TANC2: variants seen among roughly 807,000 people sequenced by gnomAD.
The protein encoded by TANC2 is tetratricopeptide repeat, ankyrin repeat and coiled-coil containing 2, also known as protein TANC2.
In TANC2, 26 loss-of-function variants were observed where a neutral mutation model predicts 210.5. The observed-to-expected ratio is 0.12, with a 90% confidence interval of 0.09 to 0.17. The LOEUF is 0.17. Among genes scored for constraint, TANC2 ranks in the 10% least tolerant of loss-of-function variants. The pLI, the probability that TANC2 is intolerant of heterozygous loss-of-function variation, is 1.00. For synonymous variants in TANC2, 931 were observed against 967.1 expected (o/e 0.96, Z 0.69); for missense variants, 2,129 against 2,608.9 (o/e 0.82, Z 4.01).
intron 2 of TANC2, among the ~76,000 whole-genome samples, chr17:63,022,892 G>A (rs1404460006): frequency 6.6e-6 from 1 of 152,216 alleles, no homozygotes; most frequent in Non-Finnish European, 1.5e-5. Context: ...AACATGCTGT[G>A]GTTCAAGTGA....
At chr17:63,088,632 A>G (rs1013378461) in intron 3 of TANC2, 2 of 152,206 alleles carry the variant, frequency 1.3e-5, no homozygotes, top group African/African-American at 4.8e-5. Flanking sequence ...AGGTTCCCAC[A>G]GTCTTTGTGT....
chr17:63,171,677 A>T (rs1470006042), intron 5 of TANC2, among the ~76,000 whole-genome samples: 1 of 152,202 alleles, frequency 6.6e-6, no homozygotes. Flanking sequence ...TTGTTATCTG[A>T]TGAATGTTAT....
chr17:63,301,226 G>A (rs2044701829), intron 9 of TANC2, among the ~76,000 whole-genome samples: 1 of 152,064 alleles, frequency 6.6e-6, no homozygotes, highest in Non-Finnish European at 1.5e-5. Flanking sequence ...CAGGGGTATT[G>A]GCCTAAAGTT....
intron 4 of TANC2, among the ~76,000 whole-genome samples, chr17:63,136,734 A>AT (rs1413781665): frequency 6.6e-6 from 1 of 152,200 alleles, no homozygotes; most frequent in East Asian, 1.9e-4. Context: ...GTTTTCAGAC[A>AT]TTGGATAATT....
At chr17:63,011,177 C>T (rs1270126942) in intron 2 of TANC2, among the ~76,000 whole-genome samples, 2 of 152,008 alleles carry the variant, frequency 1.3e-5, no homozygotes, top group Non-Finnish European at 2.9e-5. Flanking sequence ...AGTTTTAGAG[C>T]TGTGTGCCAG....
At chr17:63,158,818 G>A (rs573440776) in intron 5 of TANC2, among the ~76,000 whole-genome samples, 2 of 152,320 alleles carry the variant, frequency 1.3e-5, no homozygotes, top group South Asian at 2.1e-4. Context: ...GGCTCTCACA[G>A]GTTGCAATCA....
At chr17:63,198,953 T>C (rs1052459373) in intron 6 of TANC2, among the ~76,000 whole-genome samples, 2 of 152,186 alleles carry the variant, frequency 1.3e-5, no homozygotes, top group African/African-American at 4.8e-5. Context: ...TCTAATATTA[T>C]TGATATGATT....
chr17:63,209,052 C>T (rs919176128), intron 7 of TANC2, among the ~76,000 whole-genome samples: 2 of 151,898 alleles, frequency 1.3e-5, no homozygotes, highest in African/African-American at 4.8e-5. Context: ...GTTTCCCAGG[C>T]TGGAGTGCAG....
At chr17:63,145,895 A>G (rs908197348) in intron 4 of TANC2, among the ~76,000 whole-genome samples, 5 of 152,070 alleles carry the variant, frequency 3.3e-5, no homozygotes, top group Non-Finnish European at 7.4e-5. Context: ...TTGAGATTTC[A>G]CATGAATTTT....
chr17:63,138,258 C>A (rs1025288324), intron 4 of TANC2, among the ~76,000 whole-genome samples: 26 of 152,268 alleles, frequency 1.7e-4, no homozygotes, highest in Non-Finnish European at 3.4e-4. Flanking sequence ...ACTGAATACG[C>A]ATATTGAATG....
chr17:63,039,608 T>C (rs2035104366), intron 2 of TANC2, among the ~76,000 whole-genome samples: 1 of 152,176 alleles, frequency 6.6e-6, no homozygotes, highest in South Asian at 2.1e-4. Flanking sequence ...AACAAAATGG[T>C]GCAGCACGTA....
intron 14 of TANC2, among the ~76,000 whole-genome samples, chr17:63,368,776 A>C (rs534033014): frequency 2.8e-4 from 42 of 152,362 alleles, no homozygotes; most frequent in Non-Finnish European, 5.7e-4. Context: ...AGAGACCACT[A>C]CCATAGACTC....
intron 5 of TANC2, among the ~76,000 whole-genome samples, chr17:63,192,847 T>C (rs1298234390): frequency 6.6e-6 from 1 of 152,230 alleles, no homozygotes; most frequent in African/African-American, 2.4e-5. Flanking sequence ...ATTTTCCATA[T>C]AGATTATAAA....
chr17:63,022,745 A>G (rs1365052844), intron 2 of TANC2, among the ~76,000 whole-genome samples: 3 of 152,250 alleles, frequency 2.0e-5, no homozygotes, highest in South Asian at 2.1e-4. Flanking sequence ...GAGATGGGCT[A>G]CTACCCAGGA....
At chr17:63,332,707 C>A (rs868365454) in intron 11 of TANC2, among the ~76,000 whole-genome samples, 2 of 152,144 alleles carry the variant, frequency 1.3e-5, no homozygotes, top group South Asian at 2.1e-4. Context: ...CCACCTAGGA[C>A]TTTCATAGCT....
intron 15 of TANC2, among the ~76,000 whole-genome samples, chr17:63,383,498 A>G (rs1468103776): frequency 6.6e-6 from 1 of 152,180 alleles, no homozygotes; most frequent in Non-Finnish European, 1.5e-5. Context: ...TCACTTAGCA[A>G]TATGCATTTA....
chr17:63,274,129 G>A (rs961423529), intron 9 of TANC2, among the ~76,000 whole-genome samples: 18 of 152,106 alleles, frequency 1.2e-4, no homozygotes, highest in African/African-American at 4.3e-4. Context: ...GATAATGGTA[G>A]TCTTTTGACT....
At chr17:63,093,685 C>G (rs2037284861) in intron 3 of TANC2, among the ~76,000 whole-genome samples, 2 of 152,168 alleles carry the variant, frequency 1.3e-5, no homozygotes, top group Admixed American at 6.6e-5. Flanking sequence ...GGGATTGCTT[C>G]AAACCTGTAG....
At chr17:63,354,716 A>G in intron 13 of TANC2, 67 bp from the exon 14 acceptor site, 1 of 1,510,164 alleles carries the variant, frequency 6.6e-7, no homozygotes. Flanking sequence ...TGAACCTCAT[A>G]GTTTATCACA....
Sources: gnomAD v4.1 joint callset for allele counts (sites outside exome capture counted in the v4.1 genomes callset) on GRCh38, gnomAD v4.1.1 for gene constraint, MANE v1.5 for transcripts, NCBI Gene and HGNC (gene_info 2026-07-23, HGNC 2026-07-21) for gene names.